Variants in GADL1 observed in about 807,000 individuals in gnomAD.
GADL1 encodes the protein GAD like acidic amino acid decarboxylase 1.
In GADL1, 71 loss-of-function variants were observed where a neutral mutation model predicts 69.5. The observed-to-expected ratio is 1.02, with a 90% CI of 0.84 to 1.25. The LOEUF (loss-of-function observed/expected upper bound fraction) is 1.25. Among genes scored for constraint, GADL1 ranks in the 50% most tolerant of loss-of-function variants. The pLI is 0.00. For missense variants in GADL1, 737 were observed against 631.8 expected, an observed-to-expected ratio of 1.17 and a Z score of -1.79; for synonymous variants, 254 against 214.4, an observed-to-expected ratio of 1.18 and a Z score of -1.62.
intron 12 of GADL1, among the ~76,000 whole-genome samples, chr3:30,795,859 CA>C (rs1167792843): frequency 1.3e-5 from 2 of 151,912 alleles, no homozygotes; most frequent in Admixed American, 6.6e-5. Flanking sequence ...AAAGTTAAGG[CA>C]AAAAAACTAT....
rs549660672 is a variant in GADL1, at chr3:30,794,316, T to G, written c.1250+6573A>C. 4.6e-5 allele frequency among the ~76,000 whole-genome samples: 7 copies of G among 152,090 alleles called. No individual in the cohort carries two copies. The East Asian group carries it at 9.7e-4, about 21-fold the overall frequency. On this transcript the variant is annotated intron_variant, in intron 12 of 14. Transcript: ENST00000282538. ...TGAGCTGTTTGTTGTTGAAAAGACTTAGACATGACTCTTCTAGCCTGCTTG... is the reference window on the plus strand; with the variant it reads ...TGAGCTGTTTGTTGTTGAAAAGACTGAGACATGACTCTTCTAGCCTGCTTG...
chr3:30,762,474 T>C (rs951707343), intron 14 of GADL1, among the ~76,000 whole-genome samples: 3 of 152,200 alleles, frequency 2.0e-5, no homozygotes, highest in African/African-American at 7.2e-5. Context: ...ATTTTTATAA[T>C]AAACTTTTAA....
intron 1 of GADL1, among the ~76,000 whole-genome samples, chr3:30,889,378 CT>C (rs1368018003): frequency 6.6e-6 from 1 of 152,206 alleles, no homozygotes; most frequent in African/African-American, 2.4e-5. Context: ...CTGGAGCTGC[CT>C]TTGCAGACAA....
In GADL1 at chr3:30,850,827, G is replaced by T; in HGVS notation, c.535+8C>A. 6.8e-7 allele frequency: 1 copy of T among 1,480,802 alleles called. No individual in the cohort carries two copies. Among genetic ancestry groups the T allele is most frequent in the Non-Finnish European group, 9.2e-7 (1 of 1,082,838 alleles). 91.7% of individuals were successfully genotyped at this position (1,480,802 alleles called of 1,614,324 possible). A position where few individuals can be genotyped will look rare whatever the true frequency, so the allele number is the denominator to read the frequency against. On this transcript the variant is annotated splice_region_variant and intron_variant, in intron 5 of 14. Coordinates refer to ENST00000282538, the MANE Select transcript of GADL1 (RefSeq NM_207359.3). Reference sequence around the variant, plus strand: ...GGAAGGTTGATATCAATAACTAATTGTACTCACCTGGGTTAAATATTCCAT... The same window carrying T: ...GGAAGGTTGATATCAATAACTAATTTTACTCACCTGGGTTAAATATTCCAT...
chr3:30,869,374 C>T (rs79742546), intron 1 of GADL1, among the ~76,000 whole-genome samples: 1,683 of 151,738 alleles, frequency 0.011, 53 homozygotes, highest in African/African-American at 0.039. Flanking sequence ...GAACAACCTA[C>T]AAAGAAGATG....
rs1301975673 is a variant in GADL1 at position 30,755,673 on chromosome 3, CTCAT to C, written c.1392+22502_1392+22505del. ...TCTGAATCCCCTGTTAGACTATAAA[CTCAT>C]TCAGGTCTGGGAGTCCTCCTTAGAA... is the stretch of plus-strand genomic sequence containing the variant. On this transcript the variant is annotated intron_variant, in intron 14 of 14. Transcript: ENST00000282538. 5.3e-5 allele frequency among the ~76,000 whole-genome samples: 8 copies of C among 152,148 alleles called. No individual in the cohort carries two copies. The South Asian group carries it at 1.2e-3, about 24-fold the overall frequency.
intron 11 of GADL1, among the ~76,000 whole-genome samples, chr3:30,811,571 T>C (rs576596971): frequency 1.3e-5 from 2 of 152,310 alleles, no homozygotes; most frequent in South Asian, 4.1e-4. Context: ...TATTTTTAAA[T>C]AGTGACACAG....
intron 12 of GADL1, among the ~76,000 whole-genome samples, chr3:30,796,586 G>T (rs1697037149): frequency 6.6e-6 from 1 of 151,892 alleles, no homozygotes; most frequent in African/African-American, 2.4e-5. Flanking sequence ...TTATCTTTTT[G>T]ATCTTAAACT....
chr3:30,809,209 C>T (rs1575215370), intron 11 of GADL1, among the ~76,000 whole-genome samples: 1 of 152,274 alleles, frequency 6.6e-6, no homozygotes, highest in Non-Finnish European at 1.5e-5. Flanking sequence ...TATGGCATGT[C>T]TTTAATTCAT....
Position 30,834,252 on chromosome 3 carries a change from C to T in GADL1, c.933G>A (p.Ser311=), listed in dbSNP as rs533955743. ...CATGCAGAAGCTTGCGGTGCTTCCT[C>T]GACATCAAAGCTGAGCCACCCCAAG... ...DASWGGSALM[S]RKHRKLLHGI... is the part of the protein sequence containing the mutation. Residue 311 remains serine (S), a synonymous_variant, in exon 10 of 15, where the codon TCG becomes TCA. Transcript: ENST00000282538. The T allele has an allele frequency of 6.2e-6, 10 of 1,612,800 alleles. No homozygotes were observed. The highest frequency in any genetic ancestry group is 2.7e-5 in the African/African-American group (2 of 74,912).
chr3:30,771,489 G>C (rs28404225), intron 14 of GADL1, among the ~76,000 whole-genome samples: 1 of 151,972 alleles, frequency 6.6e-6, no homozygotes, highest in Non-Finnish European at 1.5e-5. Context: ...TCCAAGTAAG[G>C]GGAGCCTCTT....
intron 1 of GADL1, among the ~76,000 whole-genome samples, chr3:30,877,994 A>G (rs994433331): frequency 2.0e-5 from 3 of 151,886 alleles, no homozygotes; most frequent in Non-Finnish European, 1.5e-5. Flanking sequence ...ACACACATAA[A>G]TTCCAAGTAT....
intron 14 of GADL1, among the ~76,000 whole-genome samples, chr3:30,763,880 A>AT (rs1248622839): frequency 6.6e-6 from 1 of 152,048 alleles, no homozygotes; most frequent in Admixed American, 6.5e-5. Flanking sequence ...TCACCTTAAA[A>AT]TGATATAATT....
intron 14 of GADL1, among the ~76,000 whole-genome samples, chr3:30,747,129 G>A (rs17026519): frequency 0.22 from 33,696 of 152,004 alleles, 5,827 homozygotes; most frequent in African/African-American, 0.48. Flanking sequence ...ACAGGCCTGG[G>A]GAAAGTGATT....
At chr3:30,801,437 GA>G (rs1192607982) in intron 11 of GADL1, among the ~76,000 whole-genome samples, 6 of 146,368 alleles carry the variant, frequency 4.1e-5, no homozygotes, top group South Asian at 2.2e-4. Flanking sequence ...CCATTGGCCA[GA>G]AAAAAAAAAC....
chr3:30,802,171 A>G (rs888664158), intron 11 of GADL1, among the ~76,000 whole-genome samples: 2 of 152,102 alleles, frequency 1.3e-5, no homozygotes, highest in Non-Finnish European at 2.9e-5. Flanking sequence ...CAAAGGAGTA[A>G]CTGGTATTTG....
At chr3:30,787,529 A>AAT in intron 12 of GADL1, among the ~76,000 whole-genome samples, 1 of 152,254 alleles carries the variant, frequency 6.6e-6, no homozygotes, top group South Asian at 2.1e-4. Flanking sequence ...AACATAAGGA[A>AAT]ATAATAGAGA....
chr3:30,830,935 C>A (rs568387005), intron 11 of GADL1, among the ~76,000 whole-genome samples: 2 of 151,792 alleles, frequency 1.3e-5, no homozygotes, highest in African/African-American at 4.8e-5. Context: ...ATGACACCTG[C>A]TTCTCTCTCA....
intron 11 of GADL1, 61 bp from the exon 12 acceptor site, chr3:30,801,149 C>T (rs576858838): frequency 7.8e-7 from 1 of 1,280,318 alleles, no homozygotes; most frequent in Non-Finnish European, 1.1e-6. Flanking sequence ...ATTTTGAAAG[C>T]AAACACATGT....
Sources: gnomAD v4.1 joint callset for allele counts (sites outside exome capture counted in the v4.1 genomes callset) on GRCh38, gnomAD v4.1.1 for gene constraint, MANE v1.5 for transcripts, NCBI Gene and HGNC (gene_info 2026-07-23, HGNC 2026-07-21) for gene names.